Variants in CACNG7 observed in about 807,000 individuals in gnomAD.
CACNG7 encodes calcium voltage-gated channel auxiliary subunit gamma 7.
Under a neutral mutation model 26.3 loss-of-function variants are expected in CACNG7, and 9 were observed. The observed-to-expected ratio is 0.34, with a 90% CI of 0.21 to 0.60. The LOEUF is 0.60. Among genes scored for constraint, CACNG7 ranks in the 20% least tolerant of loss-of-function variants. The pLI is 0.81. For missense variants in CACNG7, 297 were observed against 380.4 expected, an observed-to-expected ratio of 0.78 and a Z score of 1.82; for synonymous variants, 170 against 157.0, an observed-to-expected ratio of 1.08 and a Z score of -0.62.
chr19:53,931,472 AG>A (rs1487124504), intron 4 of CACNG7, among the ~76,000 whole-genome samples: 10 of 151,994 alleles, frequency 6.6e-5, no homozygotes, highest in Admixed American at 3.9e-4. Flanking sequence ...AGACCATTTG[AG>A]GTCAGGTGTT....
intron 1 of CACNG7, among the ~76,000 whole-genome samples, chr19:53,910,690 G>C (rs953916014): frequency 1.3e-5 from 2 of 152,096 alleles, no homozygotes; most frequent in South Asian, 2.1e-4. Context: ...GGGGAGAATC[G>C]TGGGTAAGGA....
intron 4 of CACNG7, among the ~76,000 whole-genome samples, chr19:53,923,516 G>C (rs1382086706): frequency 6.2e-5 from 8 of 130,062 alleles, no homozygotes; most frequent in Middle Eastern, 8.5e-3. Context: ...GTCATTGGTG[G>C]AGTTGCCCCA....
In CACNG7 at chr19:53,942,413, C is replaced by T. The variant is rs2069144516; in HGVS notation, c.*120C>T. On this transcript the variant is annotated 3_prime_UTR_variant, in exon 6 of 6. Transcript: ENST00000391767. The surrounding 1 kb of genome is among the most constrained non-coding windows in gnomAD (Gnocchi z 5.9). ...TCGCTCCCACCCGGAGGAGGCTGCG[C>T]CAGCTTTAGGCCCCGCCCTCCTCCC... 3 of 1,505,944 alleles carry T rather than the reference C, an allele frequency of 2.0e-6. No individual in the cohort carries two copies. Among genetic ancestry groups the T allele is most frequent in the South Asian group, 2.6e-5 (2 of 76,564 alleles). The allele number at this position is 1,505,944 out of a possible 1,614,324, so 93.3% of individuals were successfully genotyped here.
chr19:53,924,817 A>G (rs1482978422), intron 4 of CACNG7, among the ~76,000 whole-genome samples: 1 of 127,458 alleles, frequency 7.8e-6, no homozygotes, highest in Admixed American at 8.2e-5. Flanking sequence ...GACTTGCCCC[A>G]GGTCTGGTCA....
chr19:53,938,976 G>T (rs990741127), intron 4 of CACNG7, among the ~76,000 whole-genome samples: 2 of 151,320 alleles, frequency 1.3e-5, no homozygotes, highest in Admixed American at 6.6e-5. Context: ...AACAAAAAAG[G>T]CCGGGTGTGG....
At chr19:53,937,291 G>A (rs972285029) in intron 4 of CACNG7, among the ~76,000 whole-genome samples, 27 of 152,160 alleles carry the variant, frequency 1.8e-4, no homozygotes, top group African/African-American at 6.5e-4. Context: ...TCCTGGAAGT[G>A]GGATTGCTGG....
intron 4 of CACNG7, among the ~76,000 whole-genome samples, chr19:53,925,297 G>T (rs1394670274): frequency 7.0e-6 from 1 of 142,870 alleles, no homozygotes; most frequent in African/African-American, 2.6e-5. Context: ...GTTGTCCCAG[G>T]TCTGGTCATT....
At chr19:53,911,091 G>T (rs1222013645) in intron 1 of CACNG7, among the ~76,000 whole-genome samples, 1 of 148,904 alleles carries the variant, frequency 6.7e-6, no homozygotes, top group Non-Finnish European at 1.5e-5. Flanking sequence ...TTTTGAGATG[G>T]AGTCTCACTC....
At chr19:53,924,887 T>G (rs868033511) in intron 4 of CACNG7, among the ~76,000 whole-genome samples, 167 of 81,538 alleles carry the variant, frequency 2.0e-3, no homozygotes, top group African/African-American at 5.0e-3. Flanking sequence ...GTCATTGGTG[T>G]ACTTGCCCCA....
chr19:53,921,705 T>C (rs1233684437), intron 4 of CACNG7, among the ~76,000 whole-genome samples: 1 of 107,294 alleles, frequency 9.3e-6, no homozygotes, highest in Admixed American at 8.6e-5. Flanking sequence ...GTCTGGTCAT[T>C]GGTGGAGCTG....
intron 4 of CACNG7, among the ~76,000 whole-genome samples, chr19:53,930,750 T>G (rs571725462): frequency 1.4e-5 from 2 of 147,686 alleles, no homozygotes; most frequent in Admixed American, 6.6e-5. Context: ...TCAGGTGATC[T>G]GCCCTCAGCC....
chr19:53,936,631 C>T (rs190374841), intron 4 of CACNG7, among the ~76,000 whole-genome samples: 10 of 152,172 alleles, frequency 6.6e-5, no homozygotes, highest in Non-Finnish European at 8.8e-5. Flanking sequence ...TTTTTTGAGA[C>T]GGAGTCTCAC....
At chr19:53,922,968 G>A in intron 4 of CACNG7, among the ~76,000 whole-genome samples, 1 of 98,484 alleles carries the variant, frequency 1.0e-5, no homozygotes, top group Non-Finnish European at 1.9e-5. Flanking sequence ...CCCAGGTCTG[G>A]TCATTGGTGG....
intron 4 of CACNG7, among the ~76,000 whole-genome samples, chr19:53,915,715 G>C (rs1051446962): frequency 6.6e-6 from 1 of 152,192 alleles, no homozygotes; most frequent in African/African-American, 2.4e-5. Flanking sequence ...GGCTTACTGG[G>C]TGCTAATTAG....
chr19:53,941,383 G>A, intron 4 of CACNG7, 87 bp from the exon 5 acceptor site: 2 of 1,410,596 alleles, frequency 1.4e-6, no homozygotes, highest in Non-Finnish European at 1.9e-6. Flanking sequence ...GACAGAATGG[G>A]GAGGAGGGGA....
intron 4 of CACNG7, among the ~76,000 whole-genome samples, chr19:53,923,073 CCTGGTCATTGGTGGAGTTGTCCCAGG>C (rs1599980870): frequency 2.6e-5 from 3 of 113,964 alleles, no homozygotes; most frequent in Admixed American, 8.4e-5. Flanking sequence ...TGTCCCCAGG[CCTGGTCATTGGTGGAGTTGTCCCAGG>C]CTGGTCATTG....
intron 4 of CACNG7, among the ~76,000 whole-genome samples, chr19:53,916,084 G>A (rs191449274): frequency 4.7e-4 from 72 of 152,264 alleles, no homozygotes; most frequent in East Asian, 1.9e-3. Flanking sequence ...ATGGTCTTGC[G>A]TCTGTCCATC....
At chr19:53,934,849 G>A (rs1426621674) in intron 4 of CACNG7, among the ~76,000 whole-genome samples, 1 of 151,768 alleles carries the variant, frequency 6.6e-6, no homozygotes, top group African/African-American at 2.4e-5. Flanking sequence ...TCTTGGTTTG[G>A]GATACTCGTA....
chr19:53,912,250 C>A lies in CACNG7; in HGVS notation c.-29-553C>A, dbSNP rs1383766553. On this transcript the variant is annotated intron_variant, in intron 1 of 5. Transcript: ENST00000391767. The surrounding 1 kb of genome is among the most constrained non-coding windows in gnomAD (Gnocchi z 4.6). Reference sequence around the variant, plus strand: ...GGGGGCTTCGATCGTCACACAGAGACAGGGCTGCAGGATGCCAGGTCCTAG... The same window carrying A: ...GGGGGCTTCGATCGTCACACAGAGAAAGGGCTGCAGGATGCCAGGTCCTAG... Among the ~76,000 whole-genome samples the A allele has an allele frequency of 6.6e-6, 1 of 152,102 alleles. No individual in the cohort carries two copies. The highest frequency in any genetic ancestry group is 2.4e-5 in the African/African-American group (1 of 41,414).
Sources: allele counts gnomAD v4.1 joint callset (sites outside exome capture counted in the v4.1 genomes callset), GRCh38; gene constraint gnomAD v4.1.1; non-coding constraint Gnocchi (gnomAD v3.1); transcripts MANE v1.5; gene names NCBI Gene and HGNC (gene_info 2026-07-23, HGNC 2026-07-21).